The following NUP98 variants were observed in gnomAD, a reference collection of about 807,000 sequenced individuals.
NUP98 encodes the protein nuclear pore complex protein Nup98-Nup96.
Under a neutral mutation model 191.9 loss-of-function variants are expected in NUP98, and 26 were observed. The observed-to-expected ratio is 0.14, with a 90% confidence interval of 0.10 to 0.19. The LOEUF is 0.19. Ranked by LOEUF, NUP98 falls within the 10% of genes least tolerant of loss-of-function variation. The probability of loss-of-function intolerance (pLI) is 1.00; values close to 1 mark genes in which losing one functional copy is unlikely to be tolerated. For synonymous variants in NUP98, 808 were observed against 778.4 expected (o/e 1.04, Z -0.63); for missense variants, 1,941 against 2,178.8 (o/e 0.89, Z 2.17).
At chr11:3,716,494 T>G (rs1015954985) in intron 18 of NUP98, among the ~76,000 whole-genome samples, 5 of 152,134 alleles carry the variant, frequency 3.3e-5, no homozygotes, top group African/African-American at 1.2e-4. Context: ...ACACTTCACC[T>G]CAGGAGTTTG....
intron 10 of NUP98, among the ~76,000 whole-genome samples, chr11:3,759,459 C>T (rs546449678): frequency 6.6e-6 from 1 of 151,966 alleles, no homozygotes; most frequent in Admixed American, 6.6e-5. Context: ...TAGCCAGGCA[C>T]AGTGGTGCGT....
At chr11:3,702,980 G>T in intron 22 of NUP98, 88 bp from the exon 23 acceptor site, 1 of 1,090,240 alleles carries the variant, frequency 9.2e-7, no homozygotes, top group South Asian at 1.6e-5. Context: ...CAGTAAGGCT[G>T]AAATCATTCA....
At chr11:3,700,953 T>A (rs775583738) in intron 23 of NUP98, 114 bp from the exon 24 acceptor site, 1 of 729,746 alleles carries the variant, frequency 1.4e-6, no homozygotes, top group Non-Finnish European at 2.2e-6. Flanking sequence ...TGCAAACATT[T>A]CACTGTAGTT....
rs988461401 is a variant in NUP98, at chr11:3,756,729, G to A, written c.1175-3321C>T. 3.3e-5 allele frequency among the ~76,000 whole-genome samples: 5 copies of A among 151,894 alleles called. 1 individual carries two copies. In the East Asian group the frequency reaches 9.7e-4, roughly 29 times the overall value. Reference sequence around the variant, plus strand: ...GAATCACCACACTCGGCTTGTTTTTGTTTTTTGGGGAGACATCATATATAT... The same window carrying A: ...GAATCACCACACTCGGCTTGTTTTTATTTTTTGGGGAGACATCATATATAT... On this transcript the variant is annotated intron_variant, in intron 10 of 32. Coordinates refer to ENST00000324932, the MANE Select transcript of NUP98 (RefSeq NM_016320.5).
At chr11:3,737,610 G>C (rs1453900407) in intron 12 of NUP98, among the ~76,000 whole-genome samples, 1 of 152,202 alleles carries the variant, frequency 6.6e-6, no homozygotes, top group Non-Finnish European at 1.5e-5. Flanking sequence ...CTAGGCGACA[G>C]AGCGAGATTC....
intron 1 of NUP98, among the ~76,000 whole-genome samples, chr11:3,789,680 A>C (rs1470459700): frequency 6.6e-6 from 1 of 151,886 alleles, no homozygotes; most frequent in African/African-American, 2.4e-5. Flanking sequence ...TATGTTGCCC[A>C]GGCTGGTCTC....
At chr11:3,764,185 G>A (rs978128482) in intron 8 of NUP98, among the ~76,000 whole-genome samples, 1 of 151,904 alleles carries the variant, frequency 6.6e-6, no homozygotes, top group Non-Finnish European at 1.5e-5. Flanking sequence ...AACATTTAAT[G>A]TGAATGGAGT....
At position 3,718,849 on chromosome 11, in the gene NUP98, G is replaced by A. The variant is rs556331279; in HGVS notation, c.2399+563C>T. On this transcript the variant is annotated intron_variant, in intron 18 of 32. Coordinates refer to ENST00000324932, the MANE Select transcript of NUP98 (RefSeq NM_016320.5). The stretch of plus-strand genomic sequence containing the variant: ...AATAAAATCAGGGAGGCTGGGCAGC[G>A]TGGCTCACACCTGTAATCCCAGCAC... 3.9e-5 allele frequency among the ~76,000 whole-genome samples: 6 copies of A among 152,196 alleles called. No individual in the cohort carries two copies. The South Asian group carries it at 1.0e-3, about 26-fold the overall frequency.
chr11:3,781,994 T>TCA, intron 2 of NUP98, 48 bp downstream of exon 2: 1 of 1,246,070 alleles, frequency 8.0e-7, no homozygotes, highest in Non-Finnish European at 1.2e-6. Flanking sequence ...TTGTTCTTAG[T>TCA]AAGGGAGATT....
At chr11:3,727,289 CAAAACA>C (rs376847840) in intron 14 of NUP98, among the ~76,000 whole-genome samples, 9 of 151,908 alleles carry the variant, frequency 5.9e-5, no homozygotes, top group African/African-American at 1.7e-4. Context: ...GACCTCATCT[CAAAACA>C]AAAACAAAAA....
In NUP98 at chr11:3,760,562, C is replaced by A; in HGVS notation, c.1151G>T (p.Gly384Val). Residue 384 changes from glycine to valine, a missense_variant, in exon 10 of 33, where the codon GGT becomes GTT. Physicochemically the swap from Gly to Val is moderately radical, Grantham distance 109. Around this residue, in one of 6 missense-constraint regions of NUP98, gnomAD observed 181 missense variants for 228.0 expected, o/e 0.79. Transcript: ENST00000324932. ...ACCAAAGAGCCCGCCACTGGTTGTA[C>A]CAAATGAAGGTGCACTGGTTGTGCT... ...GSSTTSAPSFGTTSGGLFGFG... is the reference protein window; with the variant it reads ...GSSTTSAPSFVTTSGGLFGFG... The A allele has an allele frequency of 1.2e-6, 2 of 1,613,964 alleles. No homozygotes were observed. The highest frequency in any genetic ancestry group is 1.7e-6 in the Non-Finnish European group (2 of 1,179,918).
rs1004935304 is a variant in NUP98, at chr11:3,713,886, C to T, written c.2509G>A (p.Ala837Thr). 1.2e-6 allele frequency: 2 copies of T among 1,614,160 alleles called. No homozygotes were observed. The highest frequency in any genetic ancestry group is 1.3e-5 in the African/African-American group (1 of 75,054). Reference protein sequence around the residue: ...ADINYEGRLEAVSRKQGAQFK... With the variant: ...ADINYEGRLETVSRKQGAQFK... Reference sequence around the variant, plus strand: ...TGAGCTCCCTGTTTCCTTGAAACTGCTTCCAATCTTCCTTCATAGTTGATA... The same window carrying T: ...TGAGCTCCCTGTTTCCTTGAAACTGTTTCCAATCTTCCTTCATAGTTGATA... The change falls in exon 19 of 33, where the codon GCA becomes ACA. Residue 837 changes from alanine to threonine, a missense_variant. Ala to Thr is a moderately conservative substitution (Grantham distance 58, BLOSUM62 0). Transcript: ENST00000324932.
chr11:3,722,921 C>G (rs1057231268), intron 16 of NUP98, among the ~76,000 whole-genome samples: 3 of 152,150 alleles, frequency 2.0e-5, no homozygotes, highest in African/African-American at 7.2e-5. Context: ...GTTCTTTAGA[C>G]TACACCAGGA....
chr11:3,691,596 C>G, intron 27 of NUP98, 107 bp from the exon 28 acceptor site: 1 of 1,106,560 alleles, frequency 9.0e-7, no homozygotes, highest in Non-Finnish European at 1.3e-6. Flanking sequence ...CTCTGTCACC[C>G]AGGCTGGAGT....
intron 31 of NUP98, chr11:3,679,331 C>A: frequency 1.6e-6 from 1 of 644,086 alleles, no homozygotes; most frequent in Non-Finnish European, 2.9e-6. Context: ...TCAGGAATGT[C>A]TATTGCACAT....
chr11:3,724,437 A>C (rs1449247786), intron 15 of NUP98, among the ~76,000 whole-genome samples: 1 of 76,992 alleles, frequency 1.3e-5, no homozygotes, highest in African/African-American at 5.4e-5. Flanking sequence ...ACTCCATCTC[A>C]AAAAAAAAAA....
At chr11:3,698,151 G>A (rs1301439255) in intron 25 of NUP98, among the ~76,000 whole-genome samples, 5 of 152,178 alleles carry the variant, frequency 3.3e-5, no homozygotes, top group Admixed American at 6.5e-5. Context: ...CAGGGCATTT[G>A]TAATGTGCCA....
At chr11:3,696,398 A>C (rs536642294) in intron 25 of NUP98, among the ~76,000 whole-genome samples, 2 of 152,024 alleles carry the variant, frequency 1.3e-5, no homozygotes, top group East Asian at 3.9e-4. Context: ...GCTACTCAAG[A>C]GGCTGAGACA....
At chr11:3,794,607 G>A (rs192488194) in intron 1 of NUP98, among the ~76,000 whole-genome samples, 6 of 151,718 alleles carry the variant, frequency 4.0e-5, no homozygotes, top group Non-Finnish European at 8.8e-5. Context: ...GATTACAGGC[G>A]TGAACCACCA....
Sources: gnomAD v4.1 joint callset for allele counts (sites outside exome capture counted in the v4.1 genomes callset) on GRCh38, gnomAD v4.1.1 for gene constraint, gnomAD v4.1.1 regional missense constraint, MANE v1.5 for transcripts, NCBI Gene and HGNC (gene_info 2026-07-23, HGNC 2026-07-21) for gene names.